The following LRRC4C variants were observed in gnomAD, a reference collection of about 807,000 sequenced individuals.
The protein encoded by LRRC4C is leucine-rich repeat-containing protein 4C.
In LRRC4C, 5 loss-of-function variants were observed where a neutral mutation model predicts 33.6. The observed-to-expected ratio is 0.15, with a 90% CI of 0.08 to 0.31. LRRC4C has a LOEUF of 0.31. Ranked by LOEUF, LRRC4C falls within the 10% of genes least tolerant of loss-of-function variation. The pLI, the probability that LRRC4C is intolerant of heterozygous loss-of-function variation, is 1.00. For missense variants in LRRC4C, 560 were observed against 796.7 expected (o/e 0.70, Z 3.58); for synonymous variants, 329 against 302.0 (o/e 1.09, Z -0.93).
intron 2 of LRRC4C, among the ~76,000 whole-genome samples, chr11:40,891,013 C>A (rs1408853225): frequency 1.3e-5 from 2 of 151,932 alleles, no homozygotes; most frequent in South Asian, 4.2e-4. Flanking sequence ...GAGGCCGAAG[C>A]CGGGAGATCA....
intron 1 of LRRC4C, among the ~76,000 whole-genome samples, chr11:41,434,671 G>A (rs1333254325): frequency 6.6e-6 from 1 of 152,118 alleles, no homozygotes; most frequent in African/African-American, 2.4e-5. Flanking sequence ...ACACTACAAA[G>A]ACTAGCAAGA....
At chr11:40,508,161 G>A (rs1353178322) in intron 3 of LRRC4C, among the ~76,000 whole-genome samples, 3 of 152,088 alleles carry the variant, frequency 2.0e-5, no homozygotes, top group Admixed American at 2.0e-4. Context: ...AGTATAGAAT[G>A]GGCCCAACTA....
At chr11:40,618,186 T>A (rs1329310768) in intron 3 of LRRC4C, among the ~76,000 whole-genome samples, 4 of 150,880 alleles carry the variant, frequency 2.7e-5, no homozygotes, top group Admixed American at 2.0e-4. Context: ...TAAAGTGAGG[T>A]CATATAAGAT....
intron 2 of LRRC4C, among the ~76,000 whole-genome samples, chr11:40,704,464 A>G (rs965144221): frequency 6.6e-6 from 1 of 152,138 alleles, no homozygotes; most frequent in Non-Finnish European, 1.5e-5. Context: ...AATCACATCA[A>G]AATGGTCTCC....
chr11:41,180,812 T>C (rs988967670), intron 1 of LRRC4C, among the ~76,000 whole-genome samples: 15 of 152,068 alleles, frequency 9.9e-5, no homozygotes, highest in Admixed American at 2.0e-4. Context: ...TATCCTAAGA[T>C]ATCTTCTGCT....
chr11:41,309,146 TTTTCTGGTAG>T (rs1950581363), intron 1 of LRRC4C, among the ~76,000 whole-genome samples: 1 of 152,166 alleles, frequency 6.6e-6, no homozygotes, highest in Non-Finnish European at 1.5e-5. Flanking sequence ...GGTAACAGCA[TTTTCTGGTAG>T]ACAAGGTAGC....
chr11:40,821,946 A>T (rs912899244), intron 2 of LRRC4C, among the ~76,000 whole-genome samples: 1 of 151,850 alleles, frequency 6.6e-6, no homozygotes, highest in Non-Finnish European at 1.5e-5. Context: ...CAGATAATGC[A>T]TAATGACCAA....
chr11:41,159,660 G>A (rs963493378), intron 1 of LRRC4C, among the ~76,000 whole-genome samples: 5 of 151,942 alleles, frequency 3.3e-5, no homozygotes, highest in African/African-American at 9.7e-5. Context: ...TTTACTACTC[G>A]ACTCTCATGT....
intron 2 of LRRC4C, among the ~76,000 whole-genome samples, chr11:40,769,581 A>G (rs951000633): frequency 1.3e-5 from 2 of 152,214 alleles, no homozygotes; most frequent in African/African-American, 4.8e-5. Context: ...CAAAAATTAT[A>G]TTACAGAGCT....
chr11:41,310,843 T>C (rs78981367), intron 1 of LRRC4C, among the ~76,000 whole-genome samples: 1,736 of 152,308 alleles, frequency 0.011, 39 homozygotes, highest in African/African-American at 0.04. Context: ...AAAATATAAC[T>C]TCGTATACTA....
chr11:40,142,328 C>T (rs1374051384), intron 5 of LRRC4C, among the ~76,000 whole-genome samples: 6 of 147,226 alleles, frequency 4.1e-5, no homozygotes, highest in African/African-American at 1.5e-4. Context: ...AAATGTTTTC[C>T]CAAATCTCAT....
chr11:41,096,117 A>C (rs1366647157), intron 1 of LRRC4C, among the ~76,000 whole-genome samples: 1 of 152,214 alleles, frequency 6.6e-6, no homozygotes, highest in Admixed American at 6.5e-5. Context: ...TCTAGAGGTC[A>C]ATGAAATGAA....
chr11:40,762,408 A>G (rs551077803), intron 2 of LRRC4C, among the ~76,000 whole-genome samples: 222 of 152,290 alleles, frequency 1.5e-3, no homozygotes, highest in Middle Eastern at 0.01. Context: ...GATCTGATTC[A>G]AGACACTGTT....
Position 41,083,818 on chromosome 11 carries a change from G to C in LRRC4C, c.-495-150095C>G, listed in dbSNP as rs148074675. ...AGGGAAATATGGGATATCCAACTTT[G>C]GAATATTGTGATTCATGACAGTGGA... On this transcript the variant is annotated intron_variant, in intron 1 of 6. Coordinates refer to ENST00000528697, the MANE Select transcript of LRRC4C (RefSeq NM_001258419.2). 3.0e-4 allele frequency among the ~76,000 whole-genome samples: 46 copies of C among 152,222 alleles called. No homozygotes were observed. The East Asian group carries it at 8.7e-3, about 29-fold the overall frequency.
chr11:41,150,305 C>T (rs1204557763), intron 1 of LRRC4C, among the ~76,000 whole-genome samples: 1 of 152,182 alleles, frequency 6.6e-6, no homozygotes, highest in Non-Finnish European at 1.5e-5. Flanking sequence ...AGCAAGTTTA[C>T]AGCAGGTTCT....
chr11:40,553,276 A>G (rs951041670), intron 3 of LRRC4C, among the ~76,000 whole-genome samples: 1 of 94,986 alleles, frequency 1.1e-5, no homozygotes, highest in African/African-American at 3.6e-5. Flanking sequence ...TGTCTAAAAA[A>G]CAAACAAAAA....
rs552190250 is a variant in LRRC4C at position 41,359,407 on chromosome 11, G to A, written c.-496+100024C>T. Among the ~76,000 whole-genome samples the A allele has an allele frequency of 5.9e-5, 9 of 152,042 alleles. 1 individual carries two copies. The South Asian group carries it at 1.9e-3, about 32-fold the overall frequency. On this transcript the variant is annotated intron_variant, in intron 1 of 6. Coordinates refer to ENST00000528697, the MANE Select transcript of LRRC4C (RefSeq NM_001258419.2). ...TGTAACAAATGTACTACTCGAGGGG[G>A]ATGTGGATATTGAGGGAGGCTACAT...
At chr11:40,576,808 G>C (rs1273262835) in intron 3 of LRRC4C, among the ~76,000 whole-genome samples, 1 of 152,136 alleles carries the variant, frequency 6.6e-6, no homozygotes, top group Non-Finnish European at 1.5e-5. Flanking sequence ...ATTCTCCAGA[G>C]CAGAGGTCAT....
chr11:40,886,118 C>A (rs1182924064), intron 2 of LRRC4C, among the ~76,000 whole-genome samples: 1 of 152,024 alleles, frequency 6.6e-6, no homozygotes, highest in African/African-American at 2.4e-5. Context: ...AATAAAGCAA[C>A]AATAAATAAT....
Sources: allele counts gnomAD v4.1 joint callset (sites outside exome capture counted in the v4.1 genomes callset), GRCh38; gene constraint gnomAD v4.1.1; transcripts MANE v1.5; gene names NCBI Gene and HGNC (gene_info 2026-07-23, HGNC 2026-07-21).